ABCB1: variants seen among roughly 807,000 people sequenced by gnomAD.
The protein encoded by ABCB1 is ATP-dependent translocase ABCB1.
In ABCB1, 69 loss-of-function variants were observed where a neutral mutation model predicts 142.0. The observed-to-expected ratio is 0.49, with a 90% CI of 0.40 to 0.59. ABCB1 has a LOEUF of 0.59. Among genes scored for constraint, ABCB1 ranks in the 20% least tolerant of loss-of-function variants. The probability of loss-of-function intolerance (pLI) is 0.00; values close to 1 mark genes in which losing one functional copy is unlikely to be tolerated. For synonymous variants in ABCB1, 532 were observed against 539.2 expected (o/e 0.99, Z 0.18); for missense variants, 1,326 against 1,554.7 (o/e 0.85, Z 2.47).
chr7:87,586,859 T>A (rs1237419932), intron 3 of ABCB1, among the ~76,000 whole-genome samples: 2 of 150,688 alleles, frequency 1.3e-5, no homozygotes, highest in Non-Finnish European at 2.9e-5. Flanking sequence ...TAAAGCCAAA[T>A]TATGAAATAA....
intron 1 of ABCB1, among the ~76,000 whole-genome samples, chr7:87,661,221 G>A (rs1339835070): frequency 6.6e-6 from 1 of 151,520 alleles, no homozygotes; most frequent in African/African-American, 2.4e-5. Context: ...GCATAAATAA[G>A]GTATCCATCA....
chr7:87,679,770 T>TA (rs1462851336), intron 1 of ABCB1, among the ~76,000 whole-genome samples: 1 of 150,200 alleles, frequency 6.7e-6, no homozygotes, highest in African/African-American at 2.5e-5. Flanking sequence ...AGTGGAACAT[T>TA]AAAAAAGATC....
chr7:87,575,973 C>A (rs752121204), intron 4 of ABCB1, among the ~76,000 whole-genome samples: 1 of 152,044 alleles, frequency 6.6e-6, no homozygotes, highest in Non-Finnish European at 1.5e-5. Flanking sequence ...TCTGTCAACC[C>A]GCAAGCAATT....
intron 19 of ABCB1, 145 bp downstream of exon 19, chr7:87,539,123 T>A (rs1447135123): frequency 1.1e-6 from 1 of 870,900 alleles, no homozygotes. Context: ...AGTGGGCGGT[T>A]CAACCGCATC....
Position 87,570,049 on chromosome 7 carries a change from TA to T in ABCB1, c.338+122del, listed in dbSNP as rs545403768. 3 of 882,688 alleles carry T rather than the reference TA, an allele frequency of 3.4e-6. No homozygotes were observed. In the African/African-American group the frequency reaches 5.0e-5, roughly 15 times the overall value. The allele number at this position is 882,688 out of a possible 1,614,324, so 54.7% of individuals were successfully genotyped here. A position where few individuals can be genotyped will look rare whatever the true frequency, so the allele number is the denominator to read the frequency against. On this transcript the variant is annotated intron_variant, in intron 5 of 27. Transcript: ENST00000622132. ...CTTAAAAAGTCTACATATACTCTTCTAAAAACTATCAAGAGTATTGTTCTCC... is the reference window on the plus strand; with the variant it reads ...CTTAAAAAGTCTACATATACTCTTCTAAAACTATCAAGAGTATTGTTCTCC...
chr7:87,673,929 A>T (rs1230053705), intron 1 of ABCB1, among the ~76,000 whole-genome samples: 1 of 152,236 alleles, frequency 6.6e-6, no homozygotes, highest in South Asian at 2.1e-4. Flanking sequence ...TTGTGATATA[A>T]GGTAGGTTCA....
At chr7:87,679,837 A>C (rs1196076346) in intron 1 of ABCB1, among the ~76,000 whole-genome samples, 3 of 150,834 alleles carry the variant, frequency 2.0e-5, no homozygotes, top group African/African-American at 7.4e-5. Context: ...AATCATATAA[A>C]GTATGTTCTC....
chr7:87,697,568 A>G (rs1477485699), intron 1 of ABCB1, among the ~76,000 whole-genome samples: 2 of 152,250 alleles, frequency 1.3e-5, no homozygotes, highest in African/African-American at 2.4e-5. Context: ...AGTAATGTGA[A>G]GAATTTAACT....
chr7:87,560,913 C>T (rs1020819133), intron 8 of ABCB1, among the ~76,000 whole-genome samples: 18 of 152,128 alleles, frequency 1.2e-4, no homozygotes, highest in African/African-American at 3.4e-4. Flanking sequence ...AAATGAACCA[C>T]GGATTAAAAT....
chr7:87,566,661 G>C, intron 6 of ABCB1, 124 bp downstream of exon 6: 2 of 992,910 alleles, frequency 2.0e-6, no homozygotes, highest in Non-Finnish European at 3.1e-6. Context: ...TGCTTAGAAG[G>C]AATTTTGTCT....
chr7:87,680,242 T>C (rs1826792902), intron 1 of ABCB1, among the ~76,000 whole-genome samples: 1 of 150,572 alleles, frequency 6.6e-6, no homozygotes, highest in Non-Finnish European at 1.5e-5. Context: ...TTCCATGGTG[T>C]GTATGTGCCA....
At chr7:87,542,555 G>T (rs979431358) in intron 17 of ABCB1, among the ~76,000 whole-genome samples, 3 of 152,072 alleles carry the variant, frequency 2.0e-5, no homozygotes, top group Non-Finnish European at 2.9e-5. Context: ...CCAGCCCTGG[G>T]TCACTTACCT....
At chr7:87,563,562 C>T (rs541849741) in intron 7 of ABCB1, among the ~76,000 whole-genome samples, 1 of 152,298 alleles carries the variant, frequency 6.6e-6, no homozygotes, top group East Asian at 1.9e-4. Flanking sequence ...ACTTGCTTAT[C>T]TCAATAGATG....
rs573108729 is a variant in ABCB1, at chr7:87,580,067, T to C, written c.286+5445A>G. 2.8e-4 allele frequency among the ~76,000 whole-genome samples: 43 copies of C among 152,316 alleles called. No homozygotes were observed. In the South Asian group the frequency reaches 8.9e-3, roughly 32 times the overall value. On this transcript the variant is annotated intron_variant, in intron 4 of 27. Transcript: ENST00000622132. ...CATTTTTTAGCCTTTCTACTCAAGA[T>C]ATGAGTAAGTTATACACCACAATTA...
chr7:87,521,043 T>C, intron 21 of ABCB1, 167 bp from the exon 22 acceptor site: 1 of 626,004 alleles, frequency 1.6e-6, no homozygotes, highest in East Asian at 2.9e-5. Flanking sequence ...TCAAACTGAG[T>C]TATGGATCTG....
rs192774892 is a variant in ABCB1, at chr7:87,614,759, T to C, written c.-330-13681A>G. ...CCTGCTAATATCCAGTTTAATAGCA[T>C]GTTTAGGTACTTATAATAATTACTA... On this transcript the variant is annotated intron_variant, in intron 1 of 28. Transcript: ENST00000265724. Among the ~76,000 whole-genome samples the C allele has an allele frequency of 9.8e-5, 15 of 152,344 alleles. No homozygotes were observed. The East Asian group carries it at 2.5e-3, about 25-fold the overall frequency.
chr7:87,638,292 G>T (rs1822021511), intron 1 of ABCB1, among the ~76,000 whole-genome samples: 1 of 151,340 alleles, frequency 6.6e-6, no homozygotes, highest in African/African-American at 2.4e-5. Context: ...GTTCTTGTCT[G>T]GTTTTGTCAT....
chr7:87,567,048 C>T lies in ABCB1; in HGVS notation c.339-72G>A, dbSNP rs1367998916. The T allele has an allele frequency of 2.8e-6, 4 of 1,443,598 alleles. No individual in the cohort carries two copies. The Admixed American group carries it at 6.8e-5, about 25-fold the overall frequency. The allele number at this position is 1,443,598 out of a possible 1,614,324, so 89.4% of individuals were successfully genotyped here. A position where few individuals can be genotyped will look rare whatever the true frequency, so the allele number is the denominator to read the frequency against. On this transcript the variant is annotated intron_variant, in intron 5 of 27. Transcript: ENST00000622132. Reference sequence around the variant, plus strand: ...ATGTACCTTTTCCAAAGAGACCACTCATTCCTATTTTTTCACTTATCTGGG... The same window carrying T: ...ATGTACCTTTTCCAAAGAGACCACTTATTCCTATTTTTTCACTTATCTGGG...
At chr7:87,546,393 C>T (rs937073626) in intron 14 of ABCB1, among the ~76,000 whole-genome samples, 2 of 152,058 alleles carry the variant, frequency 1.3e-5, no homozygotes, top group African/African-American at 4.8e-5. Flanking sequence ...TCAAGACCAT[C>T]CTGGCTAACA....
Sources: gnomAD v4.1 joint callset for allele counts (sites outside exome capture counted in the v4.1 genomes callset) on GRCh38, gnomAD v4.1.1 for gene constraint, MANE v1.5 for transcripts, NCBI Gene and HGNC (gene_info 2026-07-23, HGNC 2026-07-21) for gene names.